BICDL2: variants seen among roughly 807,000 people sequenced by gnomAD.
The protein encoded by BICDL2 is BICD family like cargo adaptor 2.
A neutral mutation model predicts 56.6 loss-of-function variants in BICDL2; 62 were observed. The ratio of observed to expected loss-of-function variants is 1.10; its 90% CI spans 0.89 to 1.35. The LOEUF (loss-of-function observed/expected upper bound fraction) is 1.35, where lower values mean the gene tolerates loss of function less well. BICDL2 is among the 40% of genes most tolerant of loss of function. The pLI is 0.00. For missense variants in BICDL2, 808 were observed against 684.5 expected, an observed-to-expected ratio of 1.18 and a Z score of -2.01; for synonymous variants, 358 against 319.8, an observed-to-expected ratio of 1.12 and a Z score of -1.27.
Position 3,030,606 on chromosome 16 carries a change from G to T in BICDL2, c.616-11C>A. ...CTGCAGCATCTGGTTCTGGGGAAAG[G>T]CCTGAGAGCTGGGGACAGGGGCAGC... On this transcript the variant is annotated splice_polypyrimidine_tract_variant and intron_variant, in intron 4 of 9. Transcript: ENST00000572449. The T allele has an allele frequency of 6.3e-7, 1 of 1,596,488 alleles. No homozygotes were observed.
Position 3,034,697 on chromosome 16 carries a change from T to TCCTTCCTTCCTTCCTTCC in BICDL2, c.282+517_282+518insGGAAGGAAGGAAGGAAGG, listed in dbSNP as rs1567423993. ...CCTTCCTTCCTTCCTTCCTTCCCCT[T>TCCTTCCTTCCTTCCTTCC]CCTTCCTTCCTTCCTTTTTTTTTTT... is the stretch of plus-strand genomic sequence containing the variant. On this transcript the variant is annotated intron_variant, in intron 2 of 9. Coordinates refer to ENST00000572449, the MANE Select transcript of BICDL2 (RefSeq NM_001369667.1). Among the ~76,000 whole-genome samples, 92 of 140,976 alleles carry TCCTTCCTTCCTTCCTTCC rather than the reference T, an allele frequency of 6.5e-4. 1 individual carries two copies. Among genetic ancestry groups the TCCTTCCTTCCTTCCTTCC allele is most frequent in the African/African-American group, 2.3e-3 (86 of 37,246 alleles). The allele number at this position is 140,976 out of a possible 152,430, so 92.5% of individuals were successfully genotyped here.
In BICDL2 at chr16:3,027,700, T is replaced by A. The variant is rs559837754; in HGVS notation, c.*406A>T. The stretch of plus-strand genomic sequence containing the variant: ...AGCCAGCTCAGGGTTTTAGAGTGTT[T>A]TTCATTTTCTTTTTTTTTTTTTTTT... On this transcript the variant is annotated 3_prime_UTR_variant, in exon 10 of 10. Coordinates refer to ENST00000572449, the MANE Select transcript of BICDL2 (RefSeq NM_001369667.1). The A allele has an allele frequency of 1.7e-4, 258 of 1,541,978 alleles. 5 individuals are homozygous for A. The South Asian group carries it at 2.9e-3, about 18-fold the overall frequency.
chr16:3,028,281 A>C lies in BICDL2; in HGVS notation c.1360-8T>G, dbSNP rs1276467545. The C allele has an allele frequency of 6.7e-7, 1 of 1,492,150 alleles. No individual in the cohort carries two copies. The highest frequency in any genetic ancestry group is 2.5e-5 in the East Asian group (1 of 39,846). The allele number at this position is 1,492,150 out of a possible 1,614,324, so 92.4% of individuals were successfully genotyped here. On this transcript the variant is annotated splice_region_variant and splice_polypyrimidine_tract_variant and intron_variant, in intron 9 of 9. Coordinates refer to ENST00000572449, the MANE Select transcript of BICDL2 (RefSeq NM_001369667.1). Reference sequence around the variant, plus strand: ...CACCACCTGCATGTCGTCCTGCGGGAGGCCGTGGTCGGCTCAGCGCCGGTC... The same window carrying C: ...CACCACCTGCATGTCGTCCTGCGGGCGGCCGTGGTCGGCTCAGCGCCGGTC...
At chr16:3,035,176 T>TTGGCCGGGGGGGGGGGGGGGG in intron 2 of BICDL2, 39 bp downstream of exon 2, 8 of 136,274 alleles carry the variant, frequency 5.9e-5, no homozygotes, top group Non-Finnish European at 9.5e-5. Context: ...CGTCCTCCCC[T>TTGGCCGGGGGGGGGGGGGGGG]GCCCACCCAC....
intron 2 of BICDL2, 82 bp from the exon 3 acceptor site, chr16:3,031,232 C>G (rs1440425200): frequency 8.0e-7 from 1 of 1,251,326 alleles, no homozygotes; most frequent in African/African-American, 1.5e-5. Context: ...GATGGAGGGA[C>G]AGACACCTAG....
At chr16:3,030,641 C>A (rs766718439) in intron 4 of BICDL2, 46 bp from the exon 5 acceptor site, 15 of 1,593,120 alleles carry the variant, frequency 9.4e-6, no homozygotes, top group Non-Finnish European at 1.3e-5. Flanking sequence ...CCCCTCCCAG[C>A]CCTCAGCCCG....
chr16:3,028,548 G>T, intron 8 of BICDL2, 80 bp from the exon 9 acceptor site: 1 of 1,534,762 alleles, frequency 6.5e-7, no homozygotes, highest in East Asian at 2.4e-5. Context: ...TTCTGTACCC[G>T]GGCGGGAGGA....
intron 1 of BICDL2, chr16:3,036,647 A>G (rs1203757243): frequency 2.3e-6 from 1 of 442,188 alleles, no homozygotes; most frequent in Non-Finnish European, 4.5e-6. Context: ...GGACCTGGAG[A>G]CCGCTCCCCC....
rs747643745 is a variant in BICDL2, at chr16:3,028,357, C to T, written c.1350G>A (p.Glu450=). 9.3e-5 allele frequency: 144 copies of T among 1,550,548 alleles called. 1 individual carries two copies. Among genetic ancestry groups the T allele is most frequent in the Non-Finnish European group, 1.0e-4 (119 of 1,156,026 alleles). The part of the protein sequence containing the change: ...RQKVALTQEL[E]AWQDDMQVVI... ...GGGCCCCGCCCCTCACCTGCCAGGCCTCCAGCTCCTGCGTGAGCGCCACCT... is the reference window on the plus strand; with the variant it reads ...GGGCCCCGCCCCTCACCTGCCAGGCTTCCAGCTCCTGCGTGAGCGCCACCT... The change falls in exon 9 of 10, where the codon GAG becomes GAA. Residue 450 remains glutamate (E), a synonymous_variant. Coordinates refer to ENST00000572449, the MANE Select transcript of BICDL2 (RefSeq NM_001369667.1).
intron 7 of BICDL2, 67 bp downstream of exon 7, chr16:3,029,213 T>G (rs1596481180): frequency 1.3e-6 from 2 of 1,551,404 alleles, no homozygotes; most frequent in East Asian, 2.4e-5. Context: ...GGCTGGGAGG[T>G]GGACATGGGA....
At position 3,031,067 on chromosome 16, in the gene BICDL2, C is replaced by T. The variant is rs1294428633; in HGVS notation, c.366G>A (p.Glu122=). 5 of 1,537,676 alleles carry T rather than the reference C, an allele frequency of 3.3e-6. No homozygotes were observed. Among genetic ancestry groups the T allele is most frequent in the Middle Eastern group, 1.7e-4 (1 of 5,972 alleles). The part of the protein sequence containing the change: ...AEWEARAVEL[E]GDVEALRAQL... ...GGGCCCGCAGGGCCTCCACGTCCCC[C>T]TCCAGCTCCACGGCCCGGGCCTCCC... The change falls in exon 3 of 10, where the codon GAG becomes GAA. Residue 122 remains glutamate, a synonymous_variant. Transcript: ENST00000572449.
intron 1 of BICDL2, 75 bp from the exon 2 acceptor site, chr16:3,035,601 ACCTGCTGCCAGCCTGCCCGGT>A: frequency 2.2e-6 from 3 of 1,341,586 alleles, no homozygotes; most frequent in Non-Finnish European, 3.0e-6. Flanking sequence ...GGAATTCTCC[ACCTGCTGCCAGCCTGCCCGGT>A]CCTGCAGCCA....
intron 6 of BICDL2, 36 bp downstream of exon 6, chr16:3,029,509 G>T (rs1257413697): frequency 6.4e-7 from 1 of 1,565,652 alleles, no homozygotes; most frequent in East Asian, 2.3e-5. Flanking sequence ...CCCTCTCGAT[G>T]GCACAGGTAA....
intron 2 of BICDL2, chr16:3,032,062 G>A (rs1381010206): frequency 6.6e-6 from 1 of 152,252 alleles, no homozygotes; most frequent in Non-Finnish European, 1.5e-5. Flanking sequence ...CTCCCAAGTA[G>A]CTAAGATTAC....
chr16:3,028,628 AT>A, intron 8 of BICDL2, 71 bp downstream of exon 8: 3 of 1,531,414 alleles, frequency 2.0e-6, no homozygotes, highest in Non-Finnish European at 2.6e-6. Flanking sequence ...TATAACCCGT[AT>A]CAGAAGAGGA....
At chr16:3,036,075 G>A (rs539867317) in intron 1 of BICDL2, 13 of 348,566 alleles carry the variant, frequency 3.7e-5, no homozygotes, top group African/African-American at 2.6e-4. Flanking sequence ...GCTACCTCCT[G>A]AGCAGGTGCT....
Position 3,029,011 on chromosome 16 carries a change from G to C in BICDL2, c.1108-181C>G, listed in dbSNP as rs2011561. On this transcript the variant is annotated intron_variant, in intron 7 of 9. Transcript: ENST00000572449. ...TCTGAGCCCCTCAGGCTGGTGCGGGGTGGGGTGGAGCAGGGTTAGTTGGAG... is the reference window on the plus strand; with the variant it reads ...TCTGAGCCCCTCAGGCTGGTGCGGGCTGGGGTGGAGCAGGGTTAGTTGGAG... Among the ~76,000 whole-genome samples, 1,822 of 152,312 alleles carry C rather than the reference G, an allele frequency of 0.012. 31 individuals carry two copies. Among genetic ancestry groups the C allele is most frequent in the African/African-American group, 0.041 (1,722 of 41,566 alleles).
In BICDL2 at chr16:3,027,779, C is replaced by T. The variant is rs1596479743; in HGVS notation, c.*327G>A. 1.8e-6 allele frequency: 2 copies of T among 1,108,596 alleles called. No individual in the cohort carries two copies. Among genetic ancestry groups the T allele is most frequent in the East Asian group, 2.6e-5 (1 of 38,866 alleles). The allele number at this position is 1,108,596 out of a possible 1,614,324, so 68.7% of individuals were successfully genotyped here. Reference sequence around the variant, plus strand: ...TGCTCTTTCTTTCTATGAATGGGGGCCAAATCGGTGGAGTGATTTATATAT... The same window carrying T: ...TGCTCTTTCTTTCTATGAATGGGGGTCAAATCGGTGGAGTGATTTATATAT... On this transcript the variant is annotated 3_prime_UTR_variant, in exon 10 of 10. Coordinates refer to ENST00000572449, the MANE Select transcript of BICDL2 (RefSeq NM_001369667.1).
Position 3,027,713 on chromosome 16 carries a change from T to C in BICDL2, c.*393A>G, listed in dbSNP as rs1436021577. ...TTTTAGAGTGTTTTTCATTTTCTTT[T>C]TTTTTTTTTTTTTACAATAAAGTTT... On this transcript the variant is annotated 3_prime_UTR_variant, in exon 10 of 10. Transcript: ENST00000572449. The C allele has an allele frequency of 3.2e-5, 35 of 1,103,280 alleles. No individual in the cohort carries two copies. Among genetic ancestry groups the C allele is most frequent in the South Asian group, 1.6e-4 (8 of 50,870 alleles). 68.3% of individuals were successfully genotyped at this position (1,103,280 alleles called of 1,614,324 possible).
Sources: allele counts gnomAD v4.1 joint callset (sites outside exome capture counted in the v4.1 genomes callset), GRCh38; gene constraint gnomAD v4.1.1; transcripts MANE v1.5; gene names NCBI Gene and HGNC (gene_info 2026-07-23, HGNC 2026-07-21).